The following DLGAP1 variants were observed in gnomAD, a reference collection of about 807,000 sequenced individuals.
The protein encoded by DLGAP1 is disks large-associated protein 1.
A neutral mutation model predicts 90.8 loss-of-function variants in DLGAP1; 11 were observed. The observed-to-expected ratio is 0.12, with a 90% CI of 0.08 to 0.20. The LOEUF is 0.20. DLGAP1 is among the 10% of genes least tolerant of loss of function. DLGAP1 has a pLI of 1.00. For missense variants in DLGAP1, 1,050 were observed against 1,333.8 expected (o/e 0.79, Z 3.31); for synonymous variants, 558 against 540.7 (o/e 1.03, Z -0.44).
chr18:4,395,754 A>C (rs1462606596), intron 1 of DLGAP1, among the ~76,000 whole-genome samples: 1 of 152,216 alleles, frequency 6.6e-6, no homozygotes, highest in Non-Finnish European at 1.5e-5. Flanking sequence ...AAAACTCCTA[A>C]TTTGTGAGAG....
At chr18:3,600,923 TATATATAG>T (rs2056950106) in intron 7 of DLGAP1, among the ~76,000 whole-genome samples, 2 of 105,946 alleles carry the variant, frequency 1.9e-5, no homozygotes, top group African/African-American at 3.2e-5. Flanking sequence ...TAGATATAGA[TATATATAG>T]ATATATAGAT....
chr18:4,218,870 A>G (rs1196643645), intron 1 of DLGAP1, among the ~76,000 whole-genome samples: 1 of 151,366 alleles, frequency 6.6e-6, no homozygotes, highest in Non-Finnish European at 1.5e-5. Context: ...TTTATCCATT[A>G]ACCCACTGAT....
At chr18:3,772,166 C>A in intron 5 of DLGAP1, among the ~76,000 whole-genome samples, 1 of 96,392 alleles carries the variant, frequency 1.0e-5, no homozygotes, top group African/African-American at 4.3e-5. Context: ...CTTTCTTTCT[C>A]TCCTTCCTTT....
intron 7 of DLGAP1, among the ~76,000 whole-genome samples, chr18:3,634,303 CATA>C (rs2146219708): frequency 6.6e-6 from 1 of 152,064 alleles, no homozygotes; most frequent in South Asian, 2.1e-4. Context: ...TTTTATAATA[CATA>C]ATGTTTTATT....
At chr18:3,541,908 A>G (rs573489368) in intron 9 of DLGAP1, among the ~76,000 whole-genome samples, 168 of 131,416 alleles carry the variant, frequency 1.3e-3, no homozygotes, top group African/African-American at 5.1e-3. Context: ...TATTGGTGGA[A>G]AAAAAAAAAG....
At chr18:4,347,531 A>C (rs1429280642) in intron 1 of DLGAP1, among the ~76,000 whole-genome samples, 1 of 152,076 alleles carries the variant, frequency 6.6e-6, no homozygotes, top group Non-Finnish European at 1.5e-5. Flanking sequence ...ATAGAAATTC[A>C]AGGTTGGTTC....
At chr18:3,659,988 C>T (rs987176543) in intron 7 of DLGAP1, among the ~76,000 whole-genome samples, 2 of 152,256 alleles carry the variant, frequency 1.3e-5, no homozygotes, top group Non-Finnish European at 1.5e-5. Context: ...GGTGTACTTG[C>T]GGCTCGCTCC....
intron 7 of DLGAP1, among the ~76,000 whole-genome samples, chr18:3,695,748 T>C (rs1452854382): frequency 6.6e-6 from 1 of 152,196 alleles, no homozygotes; most frequent in Non-Finnish European, 1.5e-5. Flanking sequence ...AGAAAGTCAG[T>C]GGTGGCTTGA....
At chr18:4,083,745 T>C (rs1330522949) in intron 2 of DLGAP1, among the ~76,000 whole-genome samples, 1 of 152,120 alleles carries the variant, frequency 6.6e-6, no homozygotes, top group Non-Finnish European at 1.5e-5. Flanking sequence ...AGGGGGAGCA[T>C]GCAGATGAGC....
chr18:4,355,545 A>C (rs1164079885), intron 1 of DLGAP1, among the ~76,000 whole-genome samples: 1 of 152,184 alleles, frequency 6.6e-6, no homozygotes, highest in African/African-American at 2.4e-5. Context: ...ACAGATCTAC[A>C]TACGTGATAA....
chr18:4,347,841 T>G (rs1243923781), intron 1 of DLGAP1, among the ~76,000 whole-genome samples: 1 of 152,096 alleles, frequency 6.6e-6, no homozygotes, highest in African/African-American at 2.4e-5. Flanking sequence ...TTAAAGGTAT[T>G]AGAATTGGTA....
chr18:4,096,346 A>C (rs2075678893), intron 2 of DLGAP1, among the ~76,000 whole-genome samples: 1 of 152,208 alleles, frequency 6.6e-6, no homozygotes, highest in Non-Finnish European at 1.5e-5. Flanking sequence ...TCTAGAAAAG[A>C]ATCAAAGCAG....
At chr18:3,692,134 A>C (rs1336666465) in intron 7 of DLGAP1, among the ~76,000 whole-genome samples, 2 of 152,188 alleles carry the variant, frequency 1.3e-5, no homozygotes, top group South Asian at 2.1e-4. Context: ...ATTTTAACAT[A>C]TCCTCAGAAC....
intron 1 of DLGAP1, among the ~76,000 whole-genome samples, chr18:4,169,359 AAGTT>A (rs1342920989): frequency 2.0e-5 from 3 of 152,202 alleles, no homozygotes; most frequent in Non-Finnish European, 4.4e-5. Flanking sequence ...ATTTTTGAAA[AAGTT>A]AAGTGTGAAA....
rs559190016 is a variant in DLGAP1 at position 4,373,666 on chromosome 18, T to C, written c.-267+81340A>G. Among the ~76,000 whole-genome samples, 14 of 152,328 alleles carry C rather than the reference T, an allele frequency of 9.2e-5. No homozygotes were observed. In the East Asian group the frequency reaches 1.5e-3, roughly 17 times the overall value. On this transcript the variant is annotated intron_variant, in intron 1 of 12. Transcript: ENST00000315677. ...TTTTCTTCCTCTCGCCTCTGCAACA[T>C]ACACACTCTGGAATTTTCAGTTGAC...
At chr18:4,024,765 G>GTCT (rs762172058) in intron 2 of DLGAP1, among the ~76,000 whole-genome samples, 15 of 152,156 alleles carry the variant, frequency 9.9e-5, no homozygotes, top group Non-Finnish European at 2.2e-4. Flanking sequence ...CCTAATCAAA[G>GTCT]GGCACACTGG....
At chr18:4,198,084 C>T (rs369001104) in intron 1 of DLGAP1, among the ~76,000 whole-genome samples, 2 of 151,886 alleles carry the variant, frequency 1.3e-5, no homozygotes, top group East Asian at 1.9e-4. Context: ...TCAGCCGGGG[C>T]GTGGTGGTGG....
In DLGAP1 at chr18:3,523,092, G is replaced by T. The variant is rs149470536; in HGVS notation, c.2479+11102C>A. Among the ~76,000 whole-genome samples the T allele has an allele frequency of 7.7e-3, 1,175 of 152,194 alleles. 12 individuals carry two copies. Among genetic ancestry groups the T allele is most frequent in the Non-Finnish European group, 0.013 (881 of 68,016 alleles). ...AGGAAACACTCAGCAAAATAAAAAG[G>T]CCAGGCACAGTGGCTCACGCCTGTA... On this transcript the variant is annotated intron_variant, in intron 10 of 12. Coordinates refer to ENST00000315677, the MANE Select transcript of DLGAP1 (RefSeq NM_004746.4).
chr18:3,570,306 T>TTTCACTC (rs1568215670), intron 8 of DLGAP1, among the ~76,000 whole-genome samples: 4 of 151,022 alleles, frequency 2.6e-5, no homozygotes, highest in Admixed American at 6.6e-5. Context: ...TGAGATGGAG[T>TTTCACTC]TTCACTCTGT....
Sources: allele counts gnomAD v4.1 joint callset (sites outside exome capture counted in the v4.1 genomes callset), GRCh38; gene constraint gnomAD v4.1.1; transcripts MANE v1.5; gene names NCBI Gene and HGNC (gene_info 2026-07-23, HGNC 2026-07-21).